LHFPL3: variants seen among roughly 807,000 people sequenced by gnomAD.
LHFPL3 encodes LHFPL tetraspan subfamily member 3.
Under a neutral mutation model 19.3 loss-of-function variants are expected in LHFPL3, and 5 were observed. The ratio of observed to expected loss-of-function variants is 0.26; its 90% CI spans 0.14 to 0.54. LHFPL3 has a LOEUF of 0.54. Ranked by LOEUF, LHFPL3 falls within the 20% of genes least tolerant of loss-of-function variation. The pLI, the probability that LHFPL3 is intolerant of heterozygous loss-of-function variation, is 0.94. For missense variants in LHFPL3, 249 were observed against 307.4 expected (o/e 0.81, Z 1.42); for synonymous variants, 133 against 126.2 (o/e 1.05, Z -0.36).
At chr7:104,543,431 T>C (rs550698988) in intron 1 of LHFPL3, among the ~76,000 whole-genome samples, 3 of 152,068 alleles carry the variant, frequency 2.0e-5, no homozygotes, top group South Asian at 4.2e-4. Context: ...CCCAAAGGAT[T>C]ATAAATCATG....
intron 1 of LHFPL3, among the ~76,000 whole-genome samples, chr7:104,660,910 A>G (rs893678326): frequency 7.9e-5 from 12 of 152,244 alleles, no homozygotes; most frequent in African/African-American, 2.4e-4. Context: ...CTAAAAGTAG[A>G]TGCCATACAT....
intron 2 of LHFPL3, among the ~76,000 whole-genome samples, chr7:104,849,652 G>A (rs992388729): frequency 2.0e-5 from 3 of 152,388 alleles, no homozygotes; most frequent in Admixed American, 2.0e-4. Flanking sequence ...GTTCAACAAA[G>A]TAGGGACAGC....
At chr7:104,844,896 C>T (rs1421969223) in intron 2 of LHFPL3, among the ~76,000 whole-genome samples, 1 of 152,216 alleles carries the variant, frequency 6.6e-6, no homozygotes, top group African/African-American at 2.4e-5. Context: ...CTCACCACTA[C>T]ACCCAGCTAA....
At chr7:104,359,777 C>T (rs1396737371) in intron 1 of LHFPL3, among the ~76,000 whole-genome samples, 1 of 152,270 alleles carries the variant, frequency 6.6e-6, no homozygotes, top group Non-Finnish European at 1.5e-5. Context: ...AAGTGGCCAG[C>T]ACAGTGTTCT....
chr7:104,537,336 G>T (rs577382169), intron 1 of LHFPL3, among the ~76,000 whole-genome samples: 4 of 152,142 alleles, frequency 2.6e-5, no homozygotes, highest in Non-Finnish European at 5.9e-5. Flanking sequence ...ATTTCCCATG[G>T]AGGACTTTTA....
intron 1 of LHFPL3, among the ~76,000 whole-genome samples, chr7:104,629,230 A>T (rs567371483): frequency 6.6e-5 from 10 of 152,164 alleles, no homozygotes; most frequent in African/African-American, 2.4e-4. Flanking sequence ...CCTTGTATTC[A>T]CAGAAGGATG....
chr7:104,568,587 A>G lies in LHFPL3; in HGVS notation c.446-168088A>G, dbSNP rs1160780187. ...TCTTTCCATTATCCCAGAAAGTCCA[A>G]TGCAGCCTTAGCTTCTAGCCTACTG... On this transcript the variant is annotated intron_variant, in intron 1 of 2. Transcript: ENST00000424859. Among the ~76,000 whole-genome samples, 12 of 152,320 alleles carry G rather than the reference A, an allele frequency of 7.9e-5. No homozygotes were observed. The East Asian group carries it at 2.3e-3, about 29-fold the overall frequency.
chr7:104,383,125 AACTCATGAGATTTTTG>A (rs1300156048), intron 1 of LHFPL3, among the ~76,000 whole-genome samples: 1 of 152,240 alleles, frequency 6.6e-6, no homozygotes, highest in African/African-American at 2.4e-5. Context: ...CAACAGTGAC[AACTCATGAGATTTTTG>A]TCAGAATCGT....
At chr7:104,577,170 G>T (rs1419961693) in intron 1 of LHFPL3, among the ~76,000 whole-genome samples, 1 of 152,162 alleles carries the variant, frequency 6.6e-6, no homozygotes, top group East Asian at 1.9e-4. Flanking sequence ...CAGTTCTAAA[G>T]ATATAAAGAC....
intron 2 of LHFPL3, among the ~76,000 whole-genome samples, chr7:104,811,063 G>T (rs1218833483): frequency 7.9e-5 from 12 of 152,200 alleles, no homozygotes; most frequent in Admixed American, 6.5e-4. Flanking sequence ...GTTAGAGTCA[G>T]AATAAAATCT....
chr7:104,427,242 C>T (rs771677839), intron 1 of LHFPL3, among the ~76,000 whole-genome samples: 165 of 151,892 alleles, frequency 1.1e-3, no homozygotes, highest in Admixed American at 4.2e-3. Context: ...ACCAGTGTAG[C>T]TCTCAAGTGA....
rs1178198169 is a variant in LHFPL3 at position 104,420,598 on chromosome 7, C to T, written c.445+91374C>T. On this transcript the variant is annotated intron_variant, in intron 1 of 2. Coordinates refer to ENST00000424859, the MANE Select transcript of LHFPL3 (RefSeq NM_199000.3). ...TTTTTGAGACGGAGTCTCGCTCTTTCGCCCAGGCTGGAGTGCAGTGGCGCG... is the reference window on the plus strand; with the variant it reads ...TTTTTGAGACGGAGTCTCGCTCTTTTGCCCAGGCTGGAGTGCAGTGGCGCG... Among the ~76,000 whole-genome samples the T allele has an allele frequency of 7.1e-5, 8 of 112,858 alleles. No individual in the cohort carries two copies. The Admixed American group carries it at 9.9e-4, about 14-fold the overall frequency. The allele number at this position is 112,858 out of a possible 152,430, so 74.0% of individuals were successfully genotyped here. A position where few individuals can be genotyped will look rare whatever the true frequency, so the allele number is the denominator to read the frequency against.
At chr7:104,597,534 A>G (rs1002049679) in intron 1 of LHFPL3, among the ~76,000 whole-genome samples, 2 of 152,208 alleles carry the variant, frequency 1.3e-5, no homozygotes, top group African/African-American at 4.8e-5. Flanking sequence ...CCATTATACA[A>G]ATAGATACAG....
At chr7:104,515,318 G>A (rs541735037) in intron 1 of LHFPL3, among the ~76,000 whole-genome samples, 1 of 152,014 alleles carries the variant, frequency 6.6e-6, no homozygotes, top group African/African-American at 2.4e-5. Context: ...TTAATATTCT[G>A]CACTAAAAAT....
intron 2 of LHFPL3, among the ~76,000 whole-genome samples, chr7:104,786,008 C>T (rs928210454): frequency 3.9e-5 from 6 of 152,194 alleles, no homozygotes; most frequent in Non-Finnish European, 5.9e-5. Flanking sequence ...CCTTCTGTAC[C>T]TCCATGTACA....
At chr7:104,649,693 G>C (rs908889526) in intron 1 of LHFPL3, among the ~76,000 whole-genome samples, 52 of 152,290 alleles carry the variant, frequency 3.4e-4, no homozygotes, top group Non-Finnish European at 6.2e-4. Flanking sequence ...TTCAGGGAGA[G>C]GGAAGGATTT....
At chr7:104,780,552 A>AG (rs572963512) in intron 2 of LHFPL3, among the ~76,000 whole-genome samples, 26 of 152,188 alleles carry the variant, frequency 1.7e-4, no homozygotes, top group Middle Eastern at 6.8e-3. Context: ...AAAACAGACA[A>AG]GGGGGGAAAA....
At chr7:104,843,453 G>A (rs1791252582) in intron 2 of LHFPL3, among the ~76,000 whole-genome samples, 1 of 152,172 alleles carries the variant, frequency 6.6e-6, no homozygotes. Flanking sequence ...GCTCCCCAAT[G>A]GACTTTGATG....
intron 1 of LHFPL3, among the ~76,000 whole-genome samples, chr7:104,731,136 TG>T (rs1405686025): frequency 6.6e-6 from 1 of 152,250 alleles, no homozygotes; most frequent in African/African-American, 2.4e-5. Context: ...CATGCTGTTT[TG>T]GTTACTGTAC....
Sources: gnomAD v4.1 joint callset for allele counts (sites outside exome capture counted in the v4.1 genomes callset) on GRCh38, gnomAD v4.1.1 for gene constraint, MANE v1.5 for transcripts, NCBI Gene and HGNC (gene_info 2026-07-23, HGNC 2026-07-21) for gene names.